Variants in CD47 observed in about 807,000 individuals in gnomAD.
CD47 encodes CD47 molecule, also known as leukocyte surface antigen CD47.
CD47 carries 11 observed loss-of-function variants against 44.6 expected under a neutral mutation model. The ratio of observed to expected loss-of-function variants is 0.25; its 90% CI spans 0.16 to 0.41. CD47 has a LOEUF of 0.41. CD47 is among the 10% of genes least tolerant of loss of function. The probability of loss-of-function intolerance (pLI) is 1.00; values close to 1 mark genes in which losing one functional copy is unlikely to be tolerated. For missense variants in CD47, 306 were observed against 386.7 expected, an observed-to-expected ratio of 0.79 and a Z score of 1.75; for synonymous variants, 140 against 136.3, an observed-to-expected ratio of 1.03 and a Z score of -0.19.
chr3:108,073,333 C>T (rs2079245872), intron 2 of CD47, among the ~76,000 whole-genome samples: 1 of 151,918 alleles, frequency 6.6e-6, no homozygotes, highest in Non-Finnish European at 1.5e-5. Context: ...CCTGGTGTGA[C>T]CACTCATTTT....
At chr3:108,051,187 A>G (rs2078820587) in intron 8 of CD47, among the ~76,000 whole-genome samples, 1 of 152,220 alleles carries the variant, frequency 6.6e-6, no homozygotes, top group Non-Finnish European at 1.5e-5. Flanking sequence ...GGCCACAGAC[A>G]GAAGACTCTC....
intron 7 of CD47, among the ~76,000 whole-genome samples, chr3:108,057,012 G>T (rs1230545592): frequency 6.6e-6 from 1 of 152,116 alleles, no homozygotes; most frequent in Non-Finnish European, 1.5e-5. Flanking sequence ...CCTGTCTGGG[G>T]TGTCTATGTC....
chr3:108,059,370 T>G, intron 5 of CD47, 82 bp downstream of exon 5: 1 of 629,590 alleles, frequency 1.6e-6, no homozygotes, highest in South Asian at 2.5e-5. Context: ...TTGTAAAAAA[T>G]TTATATGAGC....
chr3:108,048,347 T>C (rs2078754715), intron 10 of CD47, among the ~76,000 whole-genome samples: 1 of 151,396 alleles, frequency 6.6e-6, no homozygotes, highest in South Asian at 2.1e-4. Flanking sequence ...TTTTAAACTT[T>C]GTTCACCAAT....
rs55777019 is a variant in CD47, at chr3:108,044,415, C to CAAAAAAAAAAAAAAAAA, written c.*2856_*2872dup. The CAAAAAAAAAAAAAAAAA allele has an allele frequency of 8.8e-5, 3 of 34,106 alleles. No homozygotes were observed. The highest frequency in any genetic ancestry group is 1.3e-4 in the Non-Finnish European group (2 of 15,942). The allele number at this position is 34,106 out of a possible 1,614,324, so 2.1% of individuals were successfully genotyped here. A position where few individuals can be genotyped will look rare whatever the true frequency, so the allele number is the denominator to read the frequency against. On this transcript the variant is annotated 3_prime_UTR_variant, in exon 11 of 11. Coordinates refer to ENST00000361309, the MANE Select transcript of CD47 (RefSeq NM_001777.4). ...GGTTTTTAGAGCATGTGAAATTAGT[C>CAAAAAAAAAAAAAAAAA]AAAAAAAAAAAAAAAAAAAAAAAAA...
At chr3:108,074,810 G>A (rs1341738215) in intron 2 of CD47, among the ~76,000 whole-genome samples, 2 of 151,872 alleles carry the variant, frequency 1.3e-5, no homozygotes, top group Non-Finnish European at 2.9e-5. Context: ...AGTCACTGAT[G>A]AACATGTTCC....
At chr3:108,067,834 T>C (rs2079130453) in intron 3 of CD47, among the ~76,000 whole-genome samples, 1 of 152,204 alleles carries the variant, frequency 6.6e-6, no homozygotes, top group Admixed American at 6.5e-5. Flanking sequence ...CTCAGGCTTC[T>C]TCCTCAGTAG....
chr3:108,061,028 T>C (rs1342945891), intron 3 of CD47, among the ~76,000 whole-genome samples, 176 bp from the exon 4 acceptor site: 1 of 151,912 alleles, frequency 6.6e-6, no homozygotes, highest in African/African-American at 2.4e-5. Flanking sequence ...ATGGATAACG[T>C]CACGGCAGTA....
intron 1 of CD47, among the ~76,000 whole-genome samples, chr3:108,088,623 T>TAA (rs1553730740): frequency 6.8e-6 from 1 of 146,478 alleles, no homozygotes; most frequent in Non-Finnish European, 1.5e-5. Flanking sequence ...TACCCTGATT[T>TAA]AAAAAAAAAA....
chr3:108,085,149 C>G (rs2079494478), intron 1 of CD47, among the ~76,000 whole-genome samples: 1 of 152,094 alleles, frequency 6.6e-6, no homozygotes, highest in South Asian at 2.1e-4. Flanking sequence ...GACGTTATTG[C>G]AATTCCATGA....
At chr3:108,053,590 A>C (rs2078865002) in intron 7 of CD47, 1 of 152,294 alleles carries the variant, frequency 6.6e-6, no homozygotes, top group Non-Finnish European at 1.5e-5. Context: ...CAGGGGCATC[A>C]CCTTACTCTT....
chr3:108,073,009 A>C, intron 2 of CD47, among the ~76,000 whole-genome samples: 1 of 131,370 alleles, frequency 7.6e-6, no homozygotes, highest in African/African-American at 2.8e-5. Context: ...TCCCCCACTA[A>C]ACTCCCCCTC....
At chr3:108,050,417 A>G (rs1477301798) in intron 9 of CD47, among the ~76,000 whole-genome samples, 161 bp downstream of exon 9, 2 of 152,212 alleles carry the variant, frequency 1.3e-5, no homozygotes, top group African/African-American at 4.8e-5. Flanking sequence ...CACCCAGCCC[A>G]TAATTCTTGA....
At chr3:108,066,588 GT>G (rs1399099723) in intron 3 of CD47, among the ~76,000 whole-genome samples, 6 of 152,200 alleles carry the variant, frequency 3.9e-5, no homozygotes, top group African/African-American at 1.4e-4. Flanking sequence ...AAAGTATGGA[GT>G]TTTGTTACCT....
At chr3:108,071,579 AC>A (rs1429740206) in intron 2 of CD47, among the ~76,000 whole-genome samples, 1 of 152,326 alleles carries the variant, frequency 6.6e-6, no homozygotes, top group Admixed American at 6.5e-5. Context: ...CAACTGTTAC[AC>A]TAGTATAACA....
At chr3:108,070,420 T>C (rs2079179227) in intron 3 of CD47, among the ~76,000 whole-genome samples, 1 of 152,226 alleles carries the variant, frequency 6.6e-6, no homozygotes, top group African/African-American at 2.4e-5. Context: ...ATATGGTTGA[T>C]TAAACATTAA....
intron 7 of CD47, chr3:108,055,400 G>T: frequency 5.0e-6 from 2 of 400,544 alleles, no homozygotes; most frequent in Non-Finnish European, 4.4e-6. Context: ...TAATATAAAC[G>T]CTCAAATTTG....
chr3:108,080,552 C>G (rs1190053857), intron 1 of CD47, among the ~76,000 whole-genome samples: 2 of 140,614 alleles, frequency 1.4e-5, no homozygotes, highest in Non-Finnish European at 3.1e-5. Flanking sequence ...ATCATTATGA[C>G]TTTTCTTTAT....
At chr3:108,086,987 T>C (rs1240553323) in intron 1 of CD47, among the ~76,000 whole-genome samples, 1 of 152,098 alleles carries the variant, frequency 6.6e-6, no homozygotes, top group Non-Finnish European at 1.5e-5. Flanking sequence ...TATAGATCAG[T>C]TTAGTAATGG....
Sources: allele counts gnomAD v4.1 joint callset (sites outside exome capture counted in the v4.1 genomes callset), GRCh38; gene constraint gnomAD v4.1.1; transcripts MANE v1.5; gene names NCBI Gene and HGNC (gene_info 2026-07-23, HGNC 2026-07-21).